Variants in CCDC7 observed in about 807,000 individuals in gnomAD.
The protein encoded by CCDC7 is coiled-coil domain-containing protein 7.
CCDC7 carries 183 observed loss-of-function variants against 196.9 expected under a neutral mutation model. That is an observed-to-expected ratio of 0.93 (90% CI 0.82 to 1.05). The LOEUF is 1.05. Ranked by LOEUF, CCDC7 falls within the 50% of genes least tolerant of loss-of-function variation. The pLI is 0.00. For missense variants in CCDC7, 1,540 were observed against 1,482.2 expected (o/e 1.04, Z -0.64); for synonymous variants, 525 against 484.6 (o/e 1.08, Z -1.10).
At chr10:32,572,915 T>C (rs1173431365) in intron 16 of CCDC7, among the ~76,000 whole-genome samples, 1 of 137,798 alleles carries the variant, frequency 7.3e-6, no homozygotes, top group East Asian at 2.6e-4. Context: ...TCGCTTTTAA[T>C]TGCCCAGGCT....
intron 25 of CCDC7, among the ~76,000 whole-genome samples, chr10:32,721,657 C>T (rs1188520146): frequency 6.6e-6 from 1 of 152,098 alleles, no homozygotes; most frequent in African/African-American, 2.4e-5. Context: ...ATTGTCTCCT[C>T]TGGAATAAGA....
intron 13 of CCDC7, among the ~76,000 whole-genome samples, chr10:32,562,193 T>A (rs1469572687): frequency 1.3e-5 from 2 of 152,156 alleles, no homozygotes; most frequent in Non-Finnish European, 2.9e-5. Flanking sequence ...CAGGACCAGA[T>A]GGATTCACAG....
intron 8 of CCDC7, among the ~76,000 whole-genome samples, chr10:32,477,096 T>C (rs575372146): frequency 1.3e-5 from 2 of 151,792 alleles, no homozygotes; most frequent in African/African-American, 4.8e-5. Flanking sequence ...GTGCTTTAGG[T>C]GTTGTGTGTA....
intron 29 of CCDC7, among the ~76,000 whole-genome samples, chr10:32,783,719 A>G (rs959895109): frequency 6.6e-6 from 1 of 152,256 alleles, no homozygotes; most frequent in Admixed American, 6.5e-5. Flanking sequence ...CATTATTTAC[A>G]TTAGCCAAAA....
chr10:32,696,752 T>C (rs1439038998), intron 24 of CCDC7, among the ~76,000 whole-genome samples: 1 of 152,198 alleles, frequency 6.6e-6, no homozygotes, highest in Non-Finnish European at 1.5e-5. Context: ...CTTACCTAGA[T>C]CATTGAGAAG....
chr10:32,665,701 G>C (rs117078862), intron 21 of CCDC7, among the ~76,000 whole-genome samples: 1 of 152,058 alleles, frequency 6.6e-6, no homozygotes, highest in South Asian at 2.1e-4. Context: ...GCTATTCAGC[G>C]TCTTTTATGG....
At chr10:32,546,595 T>C (rs1364453034) in intron 13 of CCDC7, among the ~76,000 whole-genome samples, 1 of 152,182 alleles carries the variant, frequency 6.6e-6, no homozygotes. Flanking sequence ...ATAACATAAA[T>C]TTTGTAAAAA....
intron 18 of CCDC7, among the ~76,000 whole-genome samples, chr10:32,597,754 A>G (rs557879134): frequency 3.4e-4 from 52 of 152,334 alleles, no homozygotes; most frequent in African/African-American, 1.3e-3. Flanking sequence ...CAGGACCGTC[A>G]GCTGCCGGTC....
At chr10:32,772,957 G>A (rs760919917) in intron 28 of CCDC7, among the ~76,000 whole-genome samples, 5 of 151,960 alleles carry the variant, frequency 3.3e-5, no homozygotes, top group African/African-American at 4.8e-5. Context: ...GTTCAGGTTC[G>A]GCATCACTTC....
chr10:32,476,382 A>G (rs940202416), intron 8 of CCDC7, among the ~76,000 whole-genome samples: 8 of 144,808 alleles, frequency 5.5e-5, no homozygotes, highest in African/African-American at 2.0e-4. Flanking sequence ...CAAAGTTTCA[A>G]TAGTTTGACA....
intron 39 of CCDC7, among the ~76,000 whole-genome samples, chr10:32,851,077 C>A (rs2093547590): frequency 6.6e-6 from 1 of 151,976 alleles, no homozygotes; most frequent in African/African-American, 2.4e-5. Flanking sequence ...TCTCTGTGTT[C>A]TTTATTTCTG....
intron 20 of CCDC7, among the ~76,000 whole-genome samples, chr10:32,640,442 T>G (rs1011474056): frequency 3.9e-5 from 6 of 152,246 alleles, no homozygotes; most frequent in Admixed American, 3.3e-4. Context: ...AGCACACTGA[T>G]GGGTCTTGAC....
intron 32 of CCDC7, among the ~76,000 whole-genome samples, chr10:32,827,282 G>T (rs1034103845): frequency 6.6e-6 from 1 of 152,186 alleles, no homozygotes; most frequent in Admixed American, 6.5e-5. Context: ...TGCCTAATTT[G>T]CCAGCAGCAG....
chr10:32,657,706 A>G (rs1337325789), intron 20 of CCDC7, among the ~76,000 whole-genome samples: 1 of 152,046 alleles, frequency 6.6e-6, no homozygotes, highest in Non-Finnish European at 1.5e-5. Context: ...CATTTTCCCC[A>G]TTGTCTTGGT....
At chr10:32,527,410 G>C (rs1229692432) in intron 11 of CCDC7, among the ~76,000 whole-genome samples, 1 of 147,964 alleles carries the variant, frequency 6.8e-6, no homozygotes, top group African/African-American at 2.6e-5. Flanking sequence ...TCTTCTGATG[G>C]TGCTTTCCTG....
At chr10:32,804,956 T>A in intron 29 of CCDC7, 59 bp from the exon 31 acceptor site, 2 of 1,016,690 alleles carry the variant, frequency 2.0e-6, no homozygotes, top group Non-Finnish European at 3.1e-6. Context: ...CACACACCCC[T>A]CACATTCCTA....
intron 28 of CCDC7, among the ~76,000 whole-genome samples, chr10:32,742,610 T>G (rs2086057326): frequency 6.6e-6 from 1 of 152,222 alleles, no homozygotes; most frequent in African/African-American, 2.4e-5. Context: ...AGTCTTTGTC[T>G]GCTCAGGCTG....
At chr10:32,525,342 TGCATTCTTCA>T (rs1243222482) in intron 11 of CCDC7, among the ~76,000 whole-genome samples, 1 of 152,238 alleles carries the variant, frequency 6.6e-6, no homozygotes, top group Non-Finnish European at 1.5e-5. Flanking sequence ...GAGAGTCTGA[TGCATTCTTCA>T]GCATGTCAAT....
chr10:32,781,537 TAAC>T (rs1202398028), intron 29 of CCDC7, among the ~76,000 whole-genome samples: 3 of 152,142 alleles, frequency 2.0e-5, no homozygotes. Context: ...TTAGCATAAT[TAAC>T]AACAACAAAA....
Sources: gnomAD v4.1 joint callset for allele counts (sites outside exome capture counted in the v4.1 genomes callset) on GRCh38, gnomAD v4.1.1 for gene constraint, MANE v1.5 for transcripts, NCBI Gene and HGNC (gene_info 2026-07-23, HGNC 2026-07-21) for gene names.